The following MYO10 variants were observed in gnomAD, a reference collection of about 807,000 sequenced individuals.
The protein encoded by MYO10 is unconventional myosin-X.
In MYO10, 133 loss-of-function variants were observed where a neutral mutation model predicts 257.3. The ratio of observed to expected loss-of-function variants is 0.52; its 90% CI spans 0.45 to 0.60. The LOEUF is 0.60. MYO10 is among the 20% of genes least tolerant of loss of function. MYO10 has a pLI of 0.00. For synonymous variants in MYO10, 1,104 were observed against 1,028.6 expected (o/e 1.07, Z -1.40); for missense variants, 2,399 against 2,635.7 (o/e 0.91, Z 1.97).
rs955933521 is a variant in MYO10 at position 16,935,775 on chromosome 5, G to C, written c.21+13C>G. ...GGGCTCCGGAGGCCAGGTCGGACTGGGAGCGCACTTACCTCGGTGAAGAAG... is the reference window on the plus strand; with the variant it reads ...GGGCTCCGGAGGCCAGGTCGGACTGCGAGCGCACTTACCTCGGTGAAGAAG... On this transcript the variant is annotated intron_variant, in intron 1 of 40. Transcript: ENST00000513610. The C allele has an allele frequency of 1.9e-6, 3 of 1,613,440 alleles. No individual in the cohort carries two copies. The Admixed American group carries it at 5.0e-5, about 27-fold the overall frequency.
chr5:16,699,667 A>C (rs1737936087), intron 25 of MYO10, 94 bp from the exon 26 acceptor site: 2 of 1,540,538 alleles, frequency 1.3e-6, no homozygotes, highest in East Asian at 2.3e-5. Flanking sequence ...AAAATACAAA[A>C]ATACAGCTAC....
chr5:16,855,568 C>T (rs1001049089), intron 2 of MYO10, among the ~76,000 whole-genome samples: 2 of 152,186 alleles, frequency 1.3e-5, no homozygotes, highest in African/African-American at 2.4e-5. Flanking sequence ...TATCACTGCT[C>T]GGGGAAGGAA....
intron 19 of MYO10, among the ~76,000 whole-genome samples, chr5:16,743,702 TC>T (rs1369240311): frequency 6.6e-6 from 1 of 151,946 alleles, no homozygotes; most frequent in African/African-American, 2.4e-5. Flanking sequence ...ATCAGAAACC[TC>T]CCATTCTTAT....
intron 3 of MYO10, among the ~76,000 whole-genome samples, chr5:16,807,574 C>T (rs1212977512): frequency 6.6e-6 from 1 of 152,060 alleles, no homozygotes; most frequent in Non-Finnish European, 1.5e-5. Context: ...CAGAGCCATT[C>T]CTTCCTCCAT....
intron 19 of MYO10, among the ~76,000 whole-genome samples, chr5:16,728,927 T>C (rs561568769): frequency 6.6e-6 from 1 of 152,352 alleles, no homozygotes; most frequent in African/African-American, 2.4e-5. Flanking sequence ...TTTTACTGTA[T>C]TTTTCTTTTC....
At chr5:16,824,642 G>A (rs1742948459) in intron 2 of MYO10, among the ~76,000 whole-genome samples, 5 of 152,140 alleles carry the variant, frequency 3.3e-5, no homozygotes, top group Non-Finnish European at 7.3e-5. Context: ...GTCAAGGCAG[G>A]CGAATCACGA....
Position 16,702,965 on chromosome 5 carries a change from G to A in MYO10, c.2470C>T (p.Gln824Ter). Residue 824 changes from glutamine (Q) to a stop codon, truncating the protein, a stop_gained, in exon 23 of 41, where the codon CAG (glutamine) becomes TAG (stop). Transcript: ENST00000513610. LOFTEE classifies it high-confidence loss of function. ...CGTTTCTTCTTTTCTTCCTCTTCCTGTTTCTTCTTTTCTTCTTGCTCCCTT... is the reference window on the plus strand; with the variant it reads ...CGTTTCTTCTTTTCTTCCTCTTCCTATTTCTTCTTTTCTTCTTGCTCCCTT... ...EKREQEEKKK[Q>*]EEEEKKKREE... is the part of the protein sequence containing the mutation. The A allele has an allele frequency of 1.3e-6, 2 of 1,551,836 alleles. No homozygotes were observed. Among genetic ancestry groups the A allele is most frequent in the Non-Finnish European group, 1.7e-6 (2 of 1,147,046 alleles).
At chr5:16,672,335 A>G (rs1733387755) in intron 37 of MYO10, among the ~76,000 whole-genome samples, 1 of 151,532 alleles carries the variant, frequency 6.6e-6, no homozygotes, top group Admixed American at 6.6e-5. Context: ...TTGTAGACAT[A>G]ACACATAGTT....
intron 17 of MYO10, among the ~76,000 whole-genome samples, chr5:16,760,447 C>T (rs750472073): frequency 2.7e-5 from 4 of 148,264 alleles, no homozygotes; most frequent in South Asian, 2.1e-4. Flanking sequence ...GGTGACAGAA[C>T]GAGACCCTGT....
intron 19 of MYO10, among the ~76,000 whole-genome samples, chr5:16,746,157 G>A (rs1244392361): frequency 1.3e-5 from 2 of 152,114 alleles, no homozygotes; most frequent in African/African-American, 2.4e-5. Context: ...CTTTTTAGAC[G>A]ATATAGGGTA....
chr5:16,820,696 T>C (rs1742772863), intron 2 of MYO10, among the ~76,000 whole-genome samples: 1 of 152,172 alleles, frequency 6.6e-6, no homozygotes, highest in African/African-American at 2.4e-5. Flanking sequence ...AATCCAGATT[T>C]TGAAGATTTA....
chr5:16,669,819 C>T (rs1048474107), intron 39 of MYO10, among the ~76,000 whole-genome samples: 29 of 152,172 alleles, frequency 1.9e-4, no homozygotes, highest in Non-Finnish European at 2.8e-4. Flanking sequence ...TGAGCTGGCA[C>T]ACTTATCTGT....
At chr5:16,792,787 CAT>C (rs1741811085) in intron 4 of MYO10, among the ~76,000 whole-genome samples, 1 of 152,150 alleles carries the variant, frequency 6.6e-6, no homozygotes, top group South Asian at 2.1e-4. Flanking sequence ...CTTAGGCTGA[CAT>C]ATGGCTCTCC....
intron 1 of MYO10, among the ~76,000 whole-genome samples, chr5:16,929,951 A>T (rs988562596): frequency 7.9e-5 from 12 of 152,116 alleles, no homozygotes; most frequent in African/African-American, 2.9e-4. Context: ...AGTTAGAAGC[A>T]TCTCCCCTTC....
chr5:16,865,928 C>A (rs1322083704), intron 2 of MYO10, among the ~76,000 whole-genome samples: 1 of 151,118 alleles, frequency 6.6e-6, no homozygotes, highest in African/African-American at 2.4e-5. Context: ...TGTGATAACA[C>A]GACATTATAA....
intron 21 of MYO10, among the ~76,000 whole-genome samples, chr5:16,706,299 GAATA>G (rs1738337318): frequency 2.0e-5 from 3 of 151,352 alleles, no homozygotes; most frequent in South Asian, 4.2e-4. Context: ...ATATACATGA[GAATA>G]TATATATACA....
chr5:16,755,998 T>C (rs1740518035), intron 18 of MYO10, among the ~76,000 whole-genome samples: 1 of 152,200 alleles, frequency 6.6e-6, no homozygotes, highest in South Asian at 2.1e-4. Context: ...AAACTAATAT[T>C]AAAATGTGCA....
At chr5:16,669,596 G>A (rs1015635226) in intron 39 of MYO10, among the ~76,000 whole-genome samples, 89 of 152,124 alleles carry the variant, frequency 5.9e-4, no homozygotes, top group African/African-American at 2.1e-3. Context: ...AGGGAGAAAT[G>A]GAATTATGGC....
chr5:16,888,141 C>A (rs1359994318), intron 1 of MYO10, among the ~76,000 whole-genome samples: 1 of 152,202 alleles, frequency 6.6e-6, no homozygotes, highest in African/African-American at 2.4e-5. Flanking sequence ...ATCCCTCATA[C>A]TTCCACAAGT....
Sources: gnomAD v4.1 joint callset for allele counts (sites outside exome capture counted in the v4.1 genomes callset) on GRCh38, gnomAD v4.1.1 for gene constraint, MANE v1.5 for transcripts, NCBI Gene and HGNC (gene_info 2026-07-23, HGNC 2026-07-21) for gene names.